Variants in PPFIBP1 observed in about 807,000 individuals in gnomAD.
PPFIBP1 encodes liprin-beta-1.
In PPFIBP1, 112 loss-of-function variants were observed where a neutral mutation model predicts 137.8. The ratio of observed to expected loss-of-function variants is 0.81; its 90% CI spans 0.70 to 0.95. PPFIBP1 has a LOEUF of 0.95. PPFIBP1 is among the 40% of genes least tolerant of loss of function. PPFIBP1 has a pLI of 0.00. For synonymous variants in PPFIBP1, 378 were observed against 417.3 expected, an observed-to-expected ratio of 0.91 and a Z score of 1.15; for missense variants, 1,083 against 1,196.6, an observed-to-expected ratio of 0.91 and a Z score of 1.40.
rs756517480 is a variant in PPFIBP1 at position 27,650,094 on chromosome 12, G to A, written c.556G>A (p.Val186Ile). The change falls in exon 7 of 30, where the codon GTA becomes ATA. Residue 186 changes from valine (V) to isoleucine (I), a missense_variant. Transcript: ENST00000228425. Reference protein sequence around the residue: ...ISNLKLKLTAVEKDRLDYEDK... With the variant: ...ISNLKLKLTAIEKDRLDYEDK... ...TAACTTGAAGTTGAAACTGACAGCT[G>A]TAGAGAAGGACAGATTGGATTATGA... 4.4e-6 allele frequency: 7 copies of A among 1,608,866 alleles called. No individual in the cohort carries two copies. The South Asian group carries it at 7.7e-5, about 18-fold the overall frequency.
intron 16 of PPFIBP1, 84 bp downstream of exon 16, chr12:27,673,911 A>G (rs2060349975): frequency 8.2e-7 from 1 of 1,216,602 alleles, no homozygotes; most frequent in Admixed American, 2.1e-5. Context: ...CCTTTTTGCA[A>G]ATAAAACTCT....
At position 27,667,188 on chromosome 12, in the gene PPFIBP1, G is replaced by A. The variant is rs972546993; in HGVS notation, c.1014G>A (p.Glu338=). 2 of 1,605,062 alleles carry A rather than the reference G, an allele frequency of 1.2e-6. No homozygotes were observed. The highest frequency in any genetic ancestry group is 2.7e-5 in the African/African-American group (2 of 74,594). The part of the protein sequence containing the change: ...GKKGKDGEYE[E]LLNSSSISSL... Reference sequence around the variant, plus strand: ...TAGGCAAAGATGGAGAATATGAAGAGCTGCTCAATTCCAGTTCCATCTCCT... The same window carrying A: ...TAGGCAAAGATGGAGAATATGAAGAACTGCTCAATTCCAGTTCCATCTCCT... The change falls in exon 13 of 30, where the codon GAG becomes GAA. Residue 338 remains glutamate (E), a synonymous_variant. Transcript: ENST00000228425.
intron 2 of PPFIBP1, among the ~76,000 whole-genome samples, chr12:27,598,889 T>G (rs1297457768): frequency 6.6e-6 from 1 of 152,226 alleles, no homozygotes; most frequent in African/African-American, 2.4e-5. Context: ...TTACATCGTC[T>G]AAGTAGTATA....
intron 2 of PPFIBP1, among the ~76,000 whole-genome samples, chr12:27,586,933 G>A (rs1399175749): frequency 6.6e-6 from 1 of 152,160 alleles, no homozygotes; most frequent in African/African-American, 2.4e-5. Flanking sequence ...TATTTTGAAG[G>A]TAGAAATCAG....
intron 4 of PPFIBP1, among the ~76,000 whole-genome samples, chr12:27,645,089 T>C (rs537998351): frequency 1.3e-5 from 2 of 152,376 alleles, no homozygotes; most frequent in Admixed American, 6.5e-5. Context: ...TTTTTTCTGG[T>C]TCTAAATCTG....
At chr12:27,598,159 A>G (rs1360691305) in intron 2 of PPFIBP1, among the ~76,000 whole-genome samples, 1 of 152,232 alleles carries the variant, frequency 6.6e-6, no homozygotes, top group African/African-American at 2.4e-5. Flanking sequence ...GAGATACTGT[A>G]TTAGTCCATT....
At chr12:27,596,265 C>CT (rs1342921807) in intron 2 of PPFIBP1, among the ~76,000 whole-genome samples, 2 of 152,144 alleles carry the variant, frequency 1.3e-5, no homozygotes, top group Non-Finnish European at 2.9e-5. Flanking sequence ...CTCAGTCTCA[C>CT]TTTTTTCACT....
chr12:27,588,566 C>T (rs10466810), intron 2 of PPFIBP1, among the ~76,000 whole-genome samples: 16,530 of 152,104 alleles, frequency 0.11, 1,097 homozygotes, highest in Admixed American at 0.2. Flanking sequence ...TTTTCTTTTC[C>T]TTTCTGAGTG....
In PPFIBP1 at chr12:27,675,475, A is replaced by G. The variant is rs184008301; in HGVS notation, c.1411-953A>G. 4.1e-3 allele frequency among the ~76,000 whole-genome samples: 630 copies of G among 152,334 alleles called. 5 individuals are homozygous for G. Among genetic ancestry groups the G allele is most frequent in the African/African-American group, 0.015 (611 of 41,574 alleles). On this transcript the variant is annotated intron_variant, in intron 17 of 29. Transcript: ENST00000228425. ...CTCACCCTTTTCTCTGCTTCTGTAAAAAAAGAAGCAGAGGGCAAGAATTAT... is the reference window on the plus strand; with the variant it reads ...CTCACCCTTTTCTCTGCTTCTGTAAGAAAAGAAGCAGAGGGCAAGAATTAT...
intron 2 of PPFIBP1, among the ~76,000 whole-genome samples, chr12:27,614,767 G>A (rs2055562688): frequency 6.6e-6 from 1 of 152,152 alleles, no homozygotes; most frequent in Admixed American, 6.5e-5. Flanking sequence ...GCTATGACAG[G>A]TTTTACGTCA....
intron 2 of PPFIBP1, among the ~76,000 whole-genome samples, chr12:27,595,779 A>C (rs969578868): frequency 2.6e-5 from 4 of 151,602 alleles, no homozygotes; most frequent in Admixed American, 1.3e-4. Flanking sequence ...ACTTGAACCC[A>C]GGAGGCAGAG....
intron 1 of PPFIBP1, among the ~76,000 whole-genome samples, chr12:27,544,852 A>G (rs1012884369): frequency 2.0e-5 from 3 of 152,238 alleles, no homozygotes; most frequent in African/African-American, 7.2e-5. Context: ...TAGAACTAGA[A>G]ATACCATTTG....
chr12:27,582,819 A>G (rs1342524922), intron 2 of PPFIBP1, among the ~76,000 whole-genome samples: 1 of 152,216 alleles, frequency 6.6e-6, no homozygotes, highest in Non-Finnish European at 1.5e-5. Flanking sequence ...TCTTGTGACT[A>G]TTACCTTGAG....
chr12:27,673,718 A>G, intron 15 of PPFIBP1, 49 bp from the exon 16 acceptor site: 2 of 1,488,980 alleles, frequency 1.3e-6, no homozygotes, highest in South Asian at 2.3e-5. Flanking sequence ...ACTTAGAAAC[A>G]GTGGCACTGG....
At chr12:27,572,061 A>T (rs1184257556) in intron 1 of PPFIBP1, among the ~76,000 whole-genome samples, 1 of 152,196 alleles carries the variant, frequency 6.6e-6, no homozygotes, top group East Asian at 1.9e-4. Flanking sequence ...TAATGAGAAC[A>T]TCTACTCTAA....
At chr12:27,541,057 C>T (rs1410798234) in intron 1 of PPFIBP1, among the ~76,000 whole-genome samples, 4 of 152,096 alleles carry the variant, frequency 2.6e-5, no homozygotes, top group African/African-American at 7.2e-5. Context: ...TTTGCACTTG[C>T]GGTTCTCCAA....
intron 2 of PPFIBP1, among the ~76,000 whole-genome samples, chr12:27,579,814 G>A (rs759649276): frequency 2.5e-4 from 38 of 152,150 alleles, no homozygotes; most frequent in Non-Finnish European, 5.1e-4. Flanking sequence ...CAAGTGATTT[G>A]TCTGCTTCAA....
chr12:27,580,405 T>G (rs2136944974), intron 2 of PPFIBP1, among the ~76,000 whole-genome samples: 1 of 152,312 alleles, frequency 6.6e-6, no homozygotes, highest in East Asian at 1.9e-4. Flanking sequence ...CTTTGTCTCG[T>G]GACCTTTCTG....
intron 6 of PPFIBP1, 95 bp from the exon 7 acceptor site, chr12:27,649,915 T>A: frequency 8.7e-7 from 1 of 1,147,120 alleles, no homozygotes; most frequent in East Asian, 2.6e-5. Context: ...ATCCTCTACT[T>A]GATAGGTGCT....
Sources: allele counts gnomAD v4.1 joint callset (sites outside exome capture counted in the v4.1 genomes callset), GRCh38; gene constraint gnomAD v4.1.1; transcripts MANE v1.5; gene names NCBI Gene and HGNC (gene_info 2026-07-23, HGNC 2026-07-21).